PDIA5: variants seen among roughly 807,000 people sequenced by gnomAD.
PDIA5 encodes protein disulfide-isomerase A5.
A neutral mutation model predicts 77.6 loss-of-function variants in PDIA5; 58 were observed. The observed-to-expected ratio is 0.75, with a 90% confidence interval of 0.61 to 0.93. The LOEUF is 0.93. Among genes scored for constraint, PDIA5 ranks in the 40% least tolerant of loss-of-function variants. The pLI, the probability that PDIA5 is intolerant of heterozygous loss-of-function variation, is 0.00. For missense variants in PDIA5, 630 were observed against 647.7 expected (o/e 0.97, Z 0.30); for synonymous variants, 250 against 252.1 (o/e 0.99, Z 0.08).
intron 2 of PDIA5, among the ~76,000 whole-genome samples, chr3:123,090,603 G>C (rs1934259117): frequency 6.6e-6 from 1 of 152,186 alleles, no homozygotes; most frequent in African/African-American, 2.4e-5. Context: ...ATGCCCCGCT[G>C]TCTCTCATTT....
At chr3:123,068,230 C>T (rs1037893519) in intron 1 of PDIA5, among the ~76,000 whole-genome samples, 2 of 152,158 alleles carry the variant, frequency 1.3e-5, no homozygotes, top group Non-Finnish European at 2.9e-5. Context: ...CAGATTTTCC[C>T]GTTCTTTTCC....
intron 10 of PDIA5, among the ~76,000 whole-genome samples, chr3:123,128,321 T>C (rs1935289514): frequency 6.6e-6 from 1 of 152,170 alleles, no homozygotes; most frequent in Non-Finnish European, 1.5e-5. Flanking sequence ...TGAACTGTTA[T>C]TTTAGCAGTT....
intron 10 of PDIA5, among the ~76,000 whole-genome samples, chr3:123,125,596 A>T (rs943910566): frequency 2.0e-5 from 3 of 152,200 alleles, no homozygotes; most frequent in African/African-American, 4.8e-5. Flanking sequence ...AGAATTAGTT[A>T]TCCAAGATAT....
intron 1 of PDIA5, among the ~76,000 whole-genome samples, chr3:123,086,611 C>T (rs1165764753): frequency 6.6e-6 from 1 of 152,214 alleles, no homozygotes; most frequent in East Asian, 1.9e-4. Flanking sequence ...TGACCATGTT[C>T]CTCCATGAGC....
At chr3:123,114,876 G>A (rs1354081261) in intron 7 of PDIA5, among the ~76,000 whole-genome samples, 2 of 152,178 alleles carry the variant, frequency 1.3e-5, no homozygotes, top group Non-Finnish European at 2.9e-5. Context: ...CCCAGGGTTC[G>A]CGTACTGGGG....
At chr3:123,118,174 G>A (rs1404374127) in intron 8 of PDIA5, among the ~76,000 whole-genome samples, 1 of 152,212 alleles carries the variant, frequency 6.6e-6, no homozygotes, top group Non-Finnish European at 1.5e-5. Context: ...ATTCTGGGGT[G>A]ACACTGAGGT....
chr3:123,150,441 C>A, intron 14 of PDIA5, 77 bp downstream of exon 14: 1 of 1,441,084 alleles, frequency 6.9e-7, no homozygotes, highest in Non-Finnish European at 9.4e-7. Flanking sequence ...CCCGCACACC[C>A]ACCCCAGGGA....
chr3:123,089,011 C>T (rs1934213526), intron 1 of PDIA5, 157 bp from the exon 2 acceptor site: 2 of 639,630 alleles, frequency 3.1e-6, no homozygotes, highest in East Asian at 5.5e-5. Context: ...GGGGAGTGTC[C>T]CTAGAGGTGA....
chr3:123,155,398 G>A (rs991767841), intron 15 of PDIA5, among the ~76,000 whole-genome samples: 1 of 152,194 alleles, frequency 6.6e-6, no homozygotes, highest in Non-Finnish European at 1.5e-5. Context: ...AAGTCAACTG[G>A]AGGATGCCAT....
At chr3:123,080,203 G>A (rs1038732955) in intron 1 of PDIA5, among the ~76,000 whole-genome samples, 1 of 152,122 alleles carries the variant, frequency 6.6e-6, no homozygotes, top group Non-Finnish European at 1.5e-5. Context: ...AAGATGATAT[G>A]GGTATGGTGT....
At chr3:123,128,518 A>T (rs954507008) in intron 10 of PDIA5, among the ~76,000 whole-genome samples, 9 of 151,450 alleles carry the variant, frequency 5.9e-5, no homozygotes, top group African/African-American at 2.2e-4. Flanking sequence ...TTATTTTTTT[A>T]TTTTTTTAGA....
intron 5 of PDIA5, among the ~76,000 whole-genome samples, chr3:123,104,398 G>A (rs1440072501): frequency 6.6e-6 from 1 of 152,170 alleles, no homozygotes; most frequent in Non-Finnish European, 1.5e-5. Flanking sequence ...GCCCACCTCA[G>A]TCACTAATTA....
chr3:123,140,715 G>A (rs1220742046), intron 11 of PDIA5, among the ~76,000 whole-genome samples: 1 of 152,208 alleles, frequency 6.6e-6, no homozygotes, highest in East Asian at 1.9e-4. Context: ...CTACTGAGCT[G>A]TGTCATGTGT....
At position 123,067,299 on chromosome 3, in the gene PDIA5, G is replaced by A. The variant is rs536230150; in HGVS notation, c.42+93G>A. 96 of 1,087,498 alleles carry A rather than the reference G, an allele frequency of 8.8e-5. No homozygotes were observed. The African/African-American group carries it at 1.5e-3, about 17-fold the overall frequency. 67.4% of individuals were successfully genotyped at this position (1,087,498 alleles called of 1,614,324 possible). A position where few individuals can be genotyped will look rare whatever the true frequency, so the allele number is the denominator to read the frequency against. On this transcript the variant is annotated intron_variant, in intron 1 of 16. Coordinates refer to ENST00000316218, the MANE Select transcript of PDIA5 (RefSeq NM_006810.4). ...TGCTCCAGCCCTCTGCGGAACGTGC[G>A]GGGAGCTGCCCCGGGGCACCGGGAT...
At chr3:123,158,073 G>C (rs1936058984) in intron 15 of PDIA5, among the ~76,000 whole-genome samples, 1 of 152,250 alleles carries the variant, frequency 6.6e-6, no homozygotes, top group Admixed American at 6.5e-5. Context: ...CCTTTTCCAA[G>C]TGAAAGCTCC....
intron 7 of PDIA5, among the ~76,000 whole-genome samples, chr3:123,114,368 C>T (rs1934943414): frequency 6.6e-6 from 1 of 151,950 alleles, no homozygotes. Context: ...TGGGAAGCAC[C>T]CCCCCAAATC....
At chr3:123,154,548 C>T (rs142353180) in intron 14 of PDIA5, among the ~76,000 whole-genome samples, 31 of 152,244 alleles carry the variant, frequency 2.0e-4, no homozygotes, top group Non-Finnish European at 3.1e-4. Flanking sequence ...CCCAACGCCA[C>T]TTCCTCTCAG....
intron 7 of PDIA5, among the ~76,000 whole-genome samples, chr3:123,114,456 C>T (rs1190854739): frequency 6.6e-6 from 1 of 152,218 alleles, no homozygotes; most frequent in African/African-American, 2.4e-5. Context: ...CACCTATCCC[C>T]ACTGCACAGA....
chr3:123,117,030 G>T (rs1935012342), intron 8 of PDIA5, among the ~76,000 whole-genome samples: 1 of 150,826 alleles, frequency 6.6e-6, no homozygotes, highest in African/African-American at 2.4e-5. Flanking sequence ...GGAGAAGAGA[G>T]CTGGGAGGGG....
Sources: gnomAD v4.1 joint callset for allele counts (sites outside exome capture counted in the v4.1 genomes callset) on GRCh38, gnomAD v4.1.1 for gene constraint, MANE v1.5 for transcripts, NCBI Gene and HGNC (gene_info 2026-07-23, HGNC 2026-07-21) for gene names.